Variants in DOCK3 observed in about 807,000 individuals in gnomAD.
The protein encoded by DOCK3 is dedicator of cytokinesis 3.
DOCK3 carries 60 observed loss-of-function variants against 265.6 expected under a neutral mutation model. That is an observed-to-expected ratio of 0.23 (90% CI 0.18 to 0.28). DOCK3 has a LOEUF of 0.28. Ranked by LOEUF, DOCK3 falls within the 10% of genes least tolerant of loss-of-function variation. The pLI is 1.00. For missense variants in DOCK3, 1,981 were observed against 2,594.3 expected, an observed-to-expected ratio of 0.76 and a Z score of 5.14; for synonymous variants, 881 against 938.0, an observed-to-expected ratio of 0.94 and a Z score of 1.11.
intron 9 of DOCK3, among the ~76,000 whole-genome samples, chr3:51,123,773 A>G (rs1347348156): frequency 6.6e-6 from 1 of 152,206 alleles, no homozygotes; most frequent in African/African-American, 2.4e-5. Context: ...GGAGGGAAGC[A>G]GGTATTTAAC....
At chr3:50,939,158 A>G (rs898417594) in intron 5 of DOCK3, among the ~76,000 whole-genome samples, 1 of 152,132 alleles carries the variant, frequency 6.6e-6, no homozygotes, top group Non-Finnish European at 1.5e-5. Flanking sequence ...AACTTTACAT[A>G]CATGATAGTT....
At chr3:51,219,979 G>A (rs1015025746) in intron 14 of DOCK3, among the ~76,000 whole-genome samples, 3 of 152,162 alleles carry the variant, frequency 2.0e-5, no homozygotes, top group Non-Finnish European at 4.4e-5. Flanking sequence ...GAGCATCACT[G>A]ACTTTGTTGC....
intron 3 of DOCK3, among the ~76,000 whole-genome samples, chr3:50,874,061 C>CTTTTTTTTT (rs1234594228): frequency 1.9e-5 from 2 of 104,574 alleles, no homozygotes; most frequent in African/African-American, 7.5e-5. Context: ...TTTTTCTTTT[C>CTTTTTTTTT]TTTTGTTTTT....
intron 27 of DOCK3, among the ~76,000 whole-genome samples, chr3:51,305,642 G>A (rs2109409996): frequency 6.7e-6 from 1 of 150,196 alleles, no homozygotes; most frequent in South Asian, 2.1e-4. Context: ...TTGTTCCTTT[G>A]TTCCTCCATT....
chr3:51,194,548 A>C (rs140726115), intron 12 of DOCK3, among the ~76,000 whole-genome samples: 2 of 152,234 alleles, frequency 1.3e-5, no homozygotes, highest in East Asian at 3.9e-4. Flanking sequence ...CTCTCTCTTT[A>C]GCTTTAATGA....
At chr3:51,337,019 T>C (rs906065622) in intron 35 of DOCK3, 1 of 402,838 alleles carries the variant, frequency 2.5e-6, no homozygotes, top group African/African-American at 2.1e-5. Context: ...TCAAGCAGTT[T>C]CCTGGCTCTG....
At chr3:51,111,757 C>G (rs1232286396) in intron 9 of DOCK3, among the ~76,000 whole-genome samples, 1 of 152,144 alleles carries the variant, frequency 6.6e-6, no homozygotes, top group African/African-American at 2.4e-5. Context: ...AAGAAACTAT[C>G]AACAGAGTAA....
At chr3:50,677,549 GA>G (rs1342010875) in intron 1 of DOCK3, among the ~76,000 whole-genome samples, 1 of 152,098 alleles carries the variant, frequency 6.6e-6, no homozygotes, top group Non-Finnish European at 1.5e-5. Context: ...GACTAACTTG[GA>G]GCACAGATTT....
At position 50,735,763 on chromosome 3, in the gene DOCK3, T is replaced by A. The variant is rs1009226312; in HGVS notation, c.38-42912T>A. Among the ~76,000 whole-genome samples the A allele has an allele frequency of 5.9e-5, 9 of 152,180 alleles. No homozygotes were observed. In the East Asian group the frequency reaches 1.7e-3, roughly 29 times the overall value. ...TCTTGCACTGCTATAAAGAAATACC[T>A]GAGACTGGGTAATGCATAAATAAGA... On this transcript the variant is annotated intron_variant, in intron 1 of 52. Coordinates refer to ENST00000266037, the MANE Select transcript of DOCK3 (RefSeq NM_004947.5).
chr3:50,782,286 G>GTTA (rs1553656725), intron 2 of DOCK3, among the ~76,000 whole-genome samples: 3 of 44,804 alleles, frequency 6.7e-5, no homozygotes, highest in East Asian at 8.7e-4. Context: ...ACCAGTACCT[G>GTTA]TTATTTTTTT....
chr3:51,138,339 A>G (rs1263346636), intron 9 of DOCK3, among the ~76,000 whole-genome samples: 1 of 152,200 alleles, frequency 6.6e-6, no homozygotes, highest in Non-Finnish European at 1.5e-5. Flanking sequence ...ACGGGTATAT[A>G]AACAGGTGTG....
intron 4 of DOCK3, among the ~76,000 whole-genome samples, chr3:50,905,957 G>A (rs1036356262): frequency 6.6e-6 from 1 of 152,010 alleles, no homozygotes; most frequent in Non-Finnish European, 1.5e-5. Flanking sequence ...AATTTATTGA[G>A]AGTTTTTAGC....
At chr3:50,921,899 C>T (rs1168459681) in intron 4 of DOCK3, among the ~76,000 whole-genome samples, 1 of 152,152 alleles carries the variant, frequency 6.6e-6, no homozygotes, top group Non-Finnish European at 1.5e-5. Flanking sequence ...ATGTTGCTGC[C>T]CAATCCTTCC....
At chr3:50,931,884 T>C (rs1456111842) in intron 4 of DOCK3, among the ~76,000 whole-genome samples, 3 of 152,222 alleles carry the variant, frequency 2.0e-5, no homozygotes, top group African/African-American at 7.2e-5. Context: ...GGAGGAGTGA[T>C]GCAGGTAAAA....
intron 3 of DOCK3, among the ~76,000 whole-genome samples, chr3:50,847,878 A>G (rs997509453): frequency 1.8e-5 from 2 of 109,358 alleles, no homozygotes; most frequent in East Asian, 3.0e-4. Context: ...ACGAGGCTCC[A>G]TTTCAAAAAA....
chr3:51,173,791 G>T (rs770532263), intron 12 of DOCK3, among the ~76,000 whole-genome samples: 40 of 151,832 alleles, frequency 2.6e-4, no homozygotes, highest in Non-Finnish European at 5.0e-4. Flanking sequence ...ATATTCTTTG[G>T]GTTGATCTTG....
intron 2 of DOCK3, among the ~76,000 whole-genome samples, chr3:50,825,988 C>T (rs1187290962): frequency 6.6e-6 from 1 of 151,526 alleles, no homozygotes; most frequent in Admixed American, 6.6e-5. Context: ...TGGCAGACTG[C>T]TCTGCAAGTA....
chr3:50,896,663 A>AG (rs2048907266), intron 4 of DOCK3, among the ~76,000 whole-genome samples: 1 of 152,050 alleles, frequency 6.6e-6, no homozygotes. Flanking sequence ...TAATATTTGT[A>AG]TAAGATTCTG....
intron 14 of DOCK3, among the ~76,000 whole-genome samples, chr3:51,214,878 G>A (rs564415683): frequency 1.3e-5 from 2 of 152,244 alleles, no homozygotes; most frequent in East Asian, 3.9e-4. Flanking sequence ...GTCAGTATCA[G>A]GTTCTTGTTT....
Sources: gnomAD v4.1 joint callset for allele counts (sites outside exome capture counted in the v4.1 genomes callset) on GRCh38, gnomAD v4.1.1 for gene constraint, MANE v1.5 for transcripts, NCBI Gene and HGNC (gene_info 2026-07-23, HGNC 2026-07-21) for gene names.